FAM83B: variants seen among roughly 807,000 people sequenced by gnomAD.
FAM83B encodes scaffolding CK1 anchoring protein B.
Under a neutral mutation model 38.8 loss-of-function variants are expected in FAM83B, and 26 were observed. That is an observed-to-expected ratio of 0.67 (90% CI 0.49 to 0.93). FAM83B has a LOEUF of 0.93. Ranked by LOEUF, FAM83B falls within the 40% of genes least tolerant of loss-of-function variation. The pLI is 0.00. For missense variants in FAM83B, 1,237 were observed against 1,197.3 expected, an observed-to-expected ratio of 1.03 and a Z score of -0.49; for synonymous variants, 419 against 423.1, an observed-to-expected ratio of 0.99 and a Z score of 0.12.
intron 1 of FAM83B, among the ~76,000 whole-genome samples, chr6:54,867,224 CAAAT>C (rs1279078213): frequency 6.6e-6 from 1 of 151,562 alleles, no homozygotes; most frequent in Non-Finnish European, 1.5e-5. Flanking sequence ...ATTTTGTCCT[CAAAT>C]AAAGCCCTCC....
At chr6:54,921,765 C>A (rs1773179607) in intron 2 of FAM83B, among the ~76,000 whole-genome samples, 1 of 151,892 alleles carries the variant, frequency 6.6e-6, no homozygotes, top group Admixed American at 6.6e-5. Context: ...TTATATATAG[C>A]CATGTGGCCA....
intron 2 of FAM83B, among the ~76,000 whole-genome samples, chr6:54,893,044 T>G (rs1439935670): frequency 6.6e-6 from 1 of 152,108 alleles, no homozygotes; most frequent in Non-Finnish European, 1.5e-5. Flanking sequence ...CCAACAACTG[T>G]GTGAGTAAAC....
At chr6:54,938,812 G>T (rs776735062) in intron 4 of FAM83B, among the ~76,000 whole-genome samples, 1 of 152,150 alleles carries the variant, frequency 6.6e-6, no homozygotes, top group Non-Finnish European at 1.5e-5. Context: ...CACTCTGTGG[G>T]CTGTCTGTTT....
intron 2 of FAM83B, among the ~76,000 whole-genome samples, chr6:54,873,552 G>A (rs1771914511): frequency 6.6e-6 from 1 of 152,016 alleles, no homozygotes; most frequent in Non-Finnish European, 1.5e-5. Context: ...TAGTCATCAG[G>A]ATAAGCTTTC....
intron 2 of FAM83B, among the ~76,000 whole-genome samples, chr6:54,915,812 CAAAAAAAA>C (rs58597609): frequency 5.5e-5 from 1 of 18,048 alleles, no homozygotes; most frequent in African/African-American, 2.4e-4. Context: ...GACTCCGTCT[CAAAAAAAA>C]AAAAAAAAAA....
At chr6:54,929,187 C>A (rs1432261363) in intron 4 of FAM83B, among the ~76,000 whole-genome samples, 1 of 152,082 alleles carries the variant, frequency 6.6e-6, no homozygotes, top group Non-Finnish European at 1.5e-5. Flanking sequence ...ATGGACCTTT[C>A]CTGTTGCTAA....
rs1335564686 is a variant in FAM83B at position 54,926,440 on chromosome 6, C to A, written c.514C>A (p.Arg172=). Residue 172 remains arginine (R), a synonymous_variant, in exon 3 of 5, where the codon CGA becomes AGA. Transcript: ENST00000306858. The part of the protein sequence containing the change: ...IFKEIVEAST[R]GVSVYILLDE... Reference sequence around the variant, plus strand: ...CAAAGAAATCGTTGAGGCATCAACTCGAGGAGTATCTGTTTACATTCTGCT... The same window carrying A: ...CAAAGAAATCGTTGAGGCATCAACTAGAGGAGTATCTGTTTACATTCTGCT... 5.6e-6 allele frequency: 9 copies of A among 1,608,714 alleles called. No homozygotes were observed. Among genetic ancestry groups the A allele is most frequent in the Non-Finnish European group, 7.7e-6 (9 of 1,176,238 alleles).
chr6:54,940,283 A>G lies in FAM83B; in HGVS notation c.1312A>G (p.Asn438Asp). 1.9e-6 allele frequency: 3 copies of G among 1,614,092 alleles called. No individual in the cohort carries two copies. Among genetic ancestry groups the G allele is most frequent in the Non-Finnish European group, 2.5e-6 (3 of 1,180,000 alleles). The change falls in exon 5 of 5, where the codon AAC (asparagine) becomes GAC (aspartate). Residue 438 changes from asparagine (N) to aspartate (D), a missense_variant. By Grantham distance (23) the Asn-to-Asp change is conservative (BLOSUM62 1). Coordinates refer to ENST00000306858, the MANE Select transcript of FAM83B (RefSeq NM_001010872.3). ...SSREGYVSHH[N>D]TPAQSFANRL... Reference sequence around the variant, plus strand: ...ACGGGAAGGCTATGTAAGCCACCACAACACACCTGCCCAGAGTTTTGCCAA... The same window carrying G: ...ACGGGAAGGCTATGTAAGCCACCACGACACACCTGCCCAGAGTTTTGCCAA...
intron 4 of FAM83B, among the ~76,000 whole-genome samples, chr6:54,935,134 G>C (rs554432913): frequency 4.6e-5 from 7 of 151,998 alleles, no homozygotes; most frequent in Non-Finnish European, 1.0e-4. Flanking sequence ...TTTTAGTCTT[G>C]ATTTTGAAAC....
chr6:54,863,071 G>A (rs1771624185), intron 1 of FAM83B, among the ~76,000 whole-genome samples: 1 of 152,148 alleles, frequency 6.6e-6, no homozygotes. Flanking sequence ...TGCTGAGCAA[G>A]CTTATGAACC....
rs1773759046 is a variant in FAM83B, at chr6:54,944,209, T to G, written c.*2202T>G. ...TACTTCAAAAAATGTACAGCTACTGTTTAAGTTTTAAACAGACACCATCAC... is the reference window on the plus strand; with the variant it reads ...TACTTCAAAAAATGTACAGCTACTGGTTAAGTTTTAAACAGACACCATCAC... On this transcript the variant is annotated 3_prime_UTR_variant, in exon 5 of 5. Coordinates refer to ENST00000306858, the MANE Select transcript of FAM83B (RefSeq NM_001010872.3). 1.3e-5 allele frequency: 2 copies of G among 152,306 alleles called. No individual in the cohort carries two copies. The highest frequency in any genetic ancestry group is 4.8e-5 in the African/African-American group (2 of 41,578). The allele number at this position is 152,306 out of a possible 1,614,324, so 9.4% of individuals were successfully genotyped here.
Position 54,940,780 on chromosome 6 carries a change from A to T in FAM83B, c.1809A>T (p.Pro603=), listed in dbSNP as rs146166079. The change falls in exon 5 of 5, where the codon CCA becomes CCT. Residue 603 remains proline, a synonymous_variant. Coordinates refer to ENST00000306858, the MANE Select transcript of FAM83B (RefSeq NM_001010872.3). ...KPLPESIPKL[P]LQSEAPKMHT... is the part of the protein sequence containing the mutation. ...TGCCAGAATCAATCCCCAAGCTCCCATTGCAGTCAGAGGCACCAAAAATGC... is the reference window on the plus strand; with the variant it reads ...TGCCAGAATCAATCCCCAAGCTCCCTTTGCAGTCAGAGGCACCAAAAATGC... The T allele has an allele frequency of 1.9e-6, 3 of 1,613,986 alleles. No individual in the cohort carries two copies. The highest frequency in any genetic ancestry group is 2.5e-6 in the Non-Finnish European group (3 of 1,179,994).
chr6:54,933,172 A>G (rs1201779351), intron 4 of FAM83B, among the ~76,000 whole-genome samples: 1 of 150,870 alleles, frequency 6.6e-6, no homozygotes, highest in African/African-American at 2.4e-5. Flanking sequence ...CTTCTGACTC[A>G]ATTATATCCA....
intron 2 of FAM83B, among the ~76,000 whole-genome samples, chr6:54,873,642 C>CT (rs372541776): frequency 1.5e-5 from 2 of 137,420 alleles, no homozygotes; most frequent in East Asian, 2.2e-4. Context: ...AAGGGATGAT[C>CT]TTTTTTTTTC....
intron 1 of FAM83B, among the ~76,000 whole-genome samples, chr6:54,861,125 T>C (rs545546321): frequency 2.9e-4 from 44 of 152,372 alleles, no homozygotes; most frequent in African/African-American, 1.1e-3. Flanking sequence ...GTTTATACTT[T>C]AGTCAACTCT....
intron 2 of FAM83B, among the ~76,000 whole-genome samples, chr6:54,899,816 GT>G (rs1031807630): frequency 3.3e-5 from 5 of 151,990 alleles, no homozygotes; most frequent in African/African-American, 1.2e-4. Flanking sequence ...AGCAGTCGGT[GT>G]TTTTTTCAAT....
rs147878599 is a variant in FAM83B at position 54,861,209 on chromosome 6, A to C, written c.-60-8978A>C. On this transcript the variant is annotated intron_variant, in intron 1 of 4. Coordinates refer to ENST00000306858, the MANE Select transcript of FAM83B (RefSeq NM_001010872.3). The stretch of plus-strand genomic sequence containing the variant: ...GATGAATTTGAGCAAATCTTTCCTA[A>C]GATGAGAGTTGAATATTTCATTCTT... Among the ~76,000 whole-genome samples, 815 of 152,372 alleles carry C rather than the reference A, an allele frequency of 5.3e-3. 6 individuals are homozygous for C. Among genetic ancestry groups the C allele is most frequent in the Non-Finnish European group, 6.0e-3 (405 of 68,048 alleles).
chr6:54,846,500 A>G (rs938295803), upstream of FAM83B, among the ~76,000 whole-genome samples: 5 of 152,192 alleles, frequency 3.3e-5, no homozygotes, highest in Non-Finnish European at 5.9e-5. Context: ...GGCGGGCAGG[A>G]AAGAAAGGCT....
Position 54,921,317 on chromosome 6 carries a change from C to T in FAM83B, c.445-5054C>T, listed in dbSNP as rs535148360. Among the ~76,000 whole-genome samples, 3 of 151,876 alleles carry T rather than the reference C, an allele frequency of 2.0e-5. No homozygotes were observed. The South Asian group carries it at 6.2e-4, about 32-fold the overall frequency. On this transcript the variant is annotated intron_variant, in intron 2 of 4. Coordinates refer to ENST00000306858, the MANE Select transcript of FAM83B (RefSeq NM_001010872.3). Reference sequence around the variant, plus strand: ...CATTTTGCAATGCATATGAACTTATCAAAATATCCATTGACTATATATGTA... The same window carrying T: ...CATTTTGCAATGCATATGAACTTATTAAAATATCCATTGACTATATATGTA...
Sources: allele counts gnomAD v4.1 joint callset (sites outside exome capture counted in the v4.1 genomes callset), GRCh38; gene constraint gnomAD v4.1.1; transcripts MANE v1.5; gene names NCBI Gene and HGNC (gene_info 2026-07-23, HGNC 2026-07-21).